TGFBR2: variants seen among roughly 807,000 people sequenced by gnomAD.
The protein encoded by TGFBR2 is TGF-beta receptor type-2.
TGFBR2 carries 18 observed loss-of-function variants against 49.0 expected under a neutral mutation model. The ratio of observed to expected loss-of-function variants is 0.37; its 90% CI spans 0.25 to 0.54. TGFBR2 has a LOEUF of 0.54. TGFBR2 is among the 20% of genes least tolerant of loss of function. The pLI, the probability that TGFBR2 is intolerant of heterozygous loss-of-function variation, is 0.85. For synonymous variants in TGFBR2, 282 were observed against 275.9 expected (o/e 1.02, Z -0.22); for missense variants, 525 against 722.6 (o/e 0.73, Z 3.13).
In TGFBR2 at chr3:30,648,431, C is replaced by A. The variant is rs1045719120; in HGVS notation, c.264-1839C>A. Among the ~76,000 whole-genome samples the A allele has an allele frequency of 2.4e-3, 210 of 87,388 alleles. 1 individual carries two copies. Among genetic ancestry groups the A allele is most frequent in the African/African-American group, 0.012 (205 of 17,220 alleles). 57.3% of individuals were successfully genotyped at this position (87,388 alleles called of 152,430 possible). On this transcript the variant is annotated intron_variant, in intron 2 of 6. Coordinates refer to ENST00000295754, the MANE Select transcript of TGFBR2 (RefSeq NM_003242.6). ...ACCAAAAACAACCTACACACACACA[C>A]ACACACACACACACACACACACACA...
chr3:30,680,731 G>GTT (rs1361146423), intron 5 of TGFBR2, among the ~76,000 whole-genome samples: 2 of 152,092 alleles, frequency 1.3e-5, no homozygotes, highest in Non-Finnish European at 2.9e-5. Flanking sequence ...ATTGTTTGAA[G>GTT]TAAGAACAAG....
chr3:30,607,976 C>T (rs1302628235), intron 1 of TGFBR2, among the ~76,000 whole-genome samples: 7 of 150,484 alleles, frequency 4.7e-5, no homozygotes, highest in Admixed American at 3.3e-4. Flanking sequence ...GAGTCTCGCT[C>T]TGTCACCAGG....
At chr3:30,628,906 C>G (rs537476533) in intron 1 of TGFBR2, among the ~76,000 whole-genome samples, 1 of 152,278 alleles carries the variant, frequency 6.6e-6, no homozygotes, top group African/African-American at 2.4e-5. Context: ...TCAGCAGTGA[C>G]ACTACAGACA....
intron 5 of TGFBR2, among the ~76,000 whole-genome samples, chr3:30,679,506 C>G (rs570142250): frequency 4.8e-4 from 73 of 152,156 alleles, no homozygotes; most frequent in Non-Finnish European, 8.5e-4. Context: ...CCAGGGGCCT[C>G]GGGAGATGTG....
rs2125452190 is a variant in TGFBR2, at chr3:30,688,493, C to G, written c.1506C>G (p.Ser502Arg). 6.2e-7 allele frequency: 1 copy of G among 1,614,228 alleles called. No individual in the cohort carries two copies. The highest frequency in any genetic ancestry group is 8.5e-7 in the Non-Finnish European group (1 of 1,180,020). ...ATCGAGGGCGACCAGAAATTCCCAG[C>G]TTCTGGCTCAACCACCAGGTAAGGA... The part of the protein sequence containing the change: ...LRDRGRPEIP[S>R]FWLNHQGIQM... Residue 502 changes from serine (S) to arginine (R), a missense_variant, in exon 6 of 7, where the codon AGC becomes AGG. Coordinates refer to ENST00000295754, the MANE Select transcript of TGFBR2 (RefSeq NM_003242.6).
Position 30,693,491 on chromosome 3 carries a change from G to A in TGFBR2, c.*1892G>A, listed in dbSNP as rs1699747222. 4.3e-6 allele frequency: 1 copy of A among 233,492 alleles called. No individual in the cohort carries two copies. The highest frequency in any genetic ancestry group is 2.2e-5 in the African/African-American group (1 of 45,318). The allele number at this position is 233,492 out of a possible 1,614,324, so 14.5% of individuals were successfully genotyped here. ...GGAATATTAGAGAGGGACTGGTAGT[G>A]AGAATATCAGCTCTGTTTGGATGGT... is the stretch of plus-strand genomic sequence containing the variant. On this transcript the variant is annotated 3_prime_UTR_variant, in exon 7 of 7. Transcript: ENST00000295754.
chr3:30,634,588 A>G (rs1220076361), intron 1 of TGFBR2, among the ~76,000 whole-genome samples: 1 of 152,216 alleles, frequency 6.6e-6, no homozygotes, highest in Non-Finnish European at 1.5e-5. Flanking sequence ...AAATTACTTT[A>G]GTTGAATTGG....
intron 1 of TGFBR2, among the ~76,000 whole-genome samples, chr3:30,607,694 CTATG>C (rs1223891232): frequency 6.6e-6 from 1 of 151,132 alleles, no homozygotes; most frequent in Non-Finnish European, 1.5e-5. Context: ...GTTGATGGTT[CTATG>C]CAATTATCGT....
chr3:30,636,733 CGTGT>C (rs3076736), intron 1 of TGFBR2, among the ~76,000 whole-genome samples: 4,087 of 146,652 alleles, frequency 0.028, 196 homozygotes, highest in African/African-American at 0.097. Flanking sequence ...TGTGTGTGCA[CGTGT>C]GTGTGTGTGT....
At chr3:30,611,639 G>A (rs960066225) in intron 1 of TGFBR2, among the ~76,000 whole-genome samples, 2 of 133,124 alleles carry the variant, frequency 1.5e-5, no homozygotes, top group African/African-American at 5.3e-5. Context: ...CGAATGAAGT[G>A]CTAAAATCTA....
intron 1 of TGFBR2, among the ~76,000 whole-genome samples, chr3:30,615,864 C>A (rs1698123352): frequency 6.6e-6 from 1 of 151,958 alleles, no homozygotes; most frequent in Non-Finnish European, 1.5e-5. Flanking sequence ...GTAGCTCGGA[C>A]TAAAGGCATG....
At chr3:30,671,592 C>T in intron 3 of TGFBR2, 46 bp from the exon 4 acceptor site, 1 of 1,602,504 alleles carries the variant, frequency 6.2e-7, no homozygotes, top group Non-Finnish European at 8.6e-7. Flanking sequence ...ACAGTACTTA[C>T]CTACCACATC....
At chr3:30,678,558 A>AT (rs1699481636) in intron 5 of TGFBR2, among the ~76,000 whole-genome samples, 1 of 151,568 alleles carries the variant, frequency 6.6e-6, no homozygotes, top group Non-Finnish European at 1.5e-5. Flanking sequence ...AAAAAAAAAA[A>AT]AAAAAAAAAA....
chr3:30,690,159 A>G (rs1464961925), intron 6 of TGFBR2, among the ~76,000 whole-genome samples: 5 of 152,354 alleles, frequency 3.3e-5, no homozygotes, highest in African/African-American at 1.2e-4. Context: ...TCCCACTCCC[A>G]GCCACCTGTG....
intron 5 of TGFBR2, among the ~76,000 whole-genome samples, chr3:30,678,407 G>C (rs1340769366): frequency 3.3e-5 from 5 of 152,026 alleles, no homozygotes; most frequent in African/African-American, 1.2e-4. Context: ...AATTAGCCGG[G>C]CGTGGCAGCA....
At chr3:30,611,878 A>C (rs1698036847) in intron 1 of TGFBR2, among the ~76,000 whole-genome samples, 1 of 152,174 alleles carries the variant, frequency 6.6e-6, no homozygotes, top group Non-Finnish European at 1.5e-5. Context: ...TTCCACATAA[A>C]AGCATAACTC....
At chr3:30,647,771 G>C (rs1698772709) in intron 2 of TGFBR2, among the ~76,000 whole-genome samples, 1 of 152,048 alleles carries the variant, frequency 6.6e-6, no homozygotes. Context: ...CTGCCTCCCG[G>C]GTTCGTGCGA....
intron 1 of TGFBR2, among the ~76,000 whole-genome samples, chr3:30,644,033 A>G (rs768320529): frequency 6.6e-6 from 1 of 152,238 alleles, no homozygotes; most frequent in African/African-American, 2.4e-5. Context: ...TGCTGCGATC[A>G]TAACTCCAAT....
At chr3:30,626,578 G>C (rs1698335727) in intron 1 of TGFBR2, 1 of 152,468 alleles carries the variant, frequency 6.6e-6, no homozygotes, top group African/African-American at 2.4e-5. Flanking sequence ...GCTGCCTGGG[G>C]TGTGTGTCCA....
Sources: allele counts gnomAD v4.1 joint callset (sites outside exome capture counted in the v4.1 genomes callset), GRCh38; gene constraint gnomAD v4.1.1; transcripts MANE v1.5; gene names NCBI Gene and HGNC (gene_info 2026-07-23, HGNC 2026-07-21).